The following DGKI variants were observed in gnomAD, a reference collection of about 807,000 sequenced individuals.
DGKI encodes DAG kinase iota.
DGKI carries 55 observed loss-of-function variants against 147.5 expected under a neutral mutation model. The observed-to-expected ratio is 0.37, with a 90% CI of 0.30 to 0.47. DGKI has a LOEUF of 0.47. Ranked by LOEUF, DGKI falls within the 20% of genes least tolerant of loss-of-function variation. The probability of loss-of-function intolerance (pLI) is 1.00; values close to 1 mark genes in which losing one functional copy is unlikely to be tolerated. For synonymous variants in DGKI, 469 were observed against 477.1 expected, an observed-to-expected ratio of 0.98 and a Z score of 0.22; for missense variants, 1,007 against 1,323.8, an observed-to-expected ratio of 0.76 and a Z score of 3.71.
At chr7:137,766,632 C>T (rs546980883) in intron 1 of DGKI, among the ~76,000 whole-genome samples, 63 of 152,116 alleles carry the variant, frequency 4.1e-4, no homozygotes, top group Non-Finnish European at 7.5e-4. Context: ...CTTCCTTATT[C>T]CCTCCTTCCC....
In DGKI at chr7:137,608,984, G is replaced by A. The variant is rs370471307; in HGVS notation, c.1149C>T (p.Pro383=). Residue 383 remains proline (P), a synonymous_variant, in exon 10 of 33, where the codon CCC becomes CCT. Coordinates refer to ENST00000614521, the MANE Select transcript of DGKI (RefSeq NM_001321708.2). ...LMKPLLVFVN[P]KSGGNQGTKV... ...TACTCACCTGGTTGCCTCCACTCTTGGGATTCACAAATACAAGCAAGGGTT... is the reference window on the plus strand; with the variant it reads ...TACTCACCTGGTTGCCTCCACTCTTAGGATTCACAAATACAAGCAAGGGTT... 2.2e-5 allele frequency: 36 copies of A among 1,613,020 alleles called. No homozygotes were observed. The East Asian group carries it at 2.9e-4, about 13-fold the overall frequency.
chr7:137,831,483 G>A (rs1798219178), intron 1 of DGKI, among the ~76,000 whole-genome samples: 1 of 152,110 alleles, frequency 6.6e-6, no homozygotes, highest in South Asian at 2.1e-4. Context: ...AGCTTGTGTG[G>A]AAAACTCCCC....
intron 1 of DGKI, among the ~76,000 whole-genome samples, chr7:137,700,250 A>T (rs1487428280): frequency 6.6e-6 from 1 of 152,214 alleles, no homozygotes; most frequent in East Asian, 1.9e-4. Context: ...TACTTTAGCA[A>T]AATAATTACT....
At chr7:137,508,034 T>C (rs1335257252) in intron 21 of DGKI, among the ~76,000 whole-genome samples, 9 of 152,086 alleles carry the variant, frequency 5.9e-5, no homozygotes, top group Non-Finnish European at 1.2e-4. Flanking sequence ...GGTAGGTAGG[T>C]ACAGAGTAGA....
At chr7:137,573,452 C>T (rs1471198183) in intron 17 of DGKI, among the ~76,000 whole-genome samples, 1 of 152,138 alleles carries the variant, frequency 6.6e-6, no homozygotes, top group Non-Finnish European at 1.5e-5. Flanking sequence ...TCACCCAGGC[C>T]GAAGTGCAAT....
At chr7:137,584,704 A>T (rs541898455) in intron 14 of DGKI, among the ~76,000 whole-genome samples, 2 of 151,904 alleles carry the variant, frequency 1.3e-5, no homozygotes, top group East Asian at 1.9e-4. Context: ...ATAAAAGTCA[A>T]TTTTTTTTTA....
At chr7:137,652,094 G>A (rs1239217682) in intron 5 of DGKI, among the ~76,000 whole-genome samples, 1 of 152,162 alleles carries the variant, frequency 6.6e-6, no homozygotes, top group East Asian at 1.9e-4. Context: ...CAGTAGGTAA[G>A]ACACAGTTTG....
intron 32 of DGKI, among the ~76,000 whole-genome samples, chr7:137,392,134 T>C (rs1811387996): frequency 6.6e-6 from 1 of 152,204 alleles, no homozygotes; most frequent in African/African-American, 2.4e-5. Flanking sequence ...CATAAATTTG[T>C]CATTAATTTT....
At chr7:137,415,160 C>T (rs1374785321) in intron 28 of DGKI, among the ~76,000 whole-genome samples, 2 of 152,008 alleles carry the variant, frequency 1.3e-5, no homozygotes, top group South Asian at 4.2e-4. Flanking sequence ...AAAAACCCTG[C>T]GTTGAAGGAC....
intron 1 of DGKI, among the ~76,000 whole-genome samples, chr7:137,699,858 G>A (rs1013010339): frequency 6.6e-6 from 1 of 152,124 alleles, no homozygotes; most frequent in East Asian, 1.9e-4. Context: ...TCGCTGACTA[G>A]ACAACCCCCA....
At chr7:137,831,433 A>G (rs572921787) in intron 1 of DGKI, among the ~76,000 whole-genome samples, 12 of 152,324 alleles carry the variant, frequency 7.9e-5, no homozygotes, top group South Asian at 2.1e-4. Flanking sequence ...GCAAGGAGGA[A>G]CTAGTCACAA....
At chr7:137,500,083 G>A (rs569289299) in intron 21 of DGKI, among the ~76,000 whole-genome samples, 2 of 152,138 alleles carry the variant, frequency 1.3e-5, no homozygotes, top group Admixed American at 6.5e-5. Context: ...CTAAAACAAC[G>A]AGGAAGCTTT....
chr7:137,605,313 T>TATAATATAAA (rs1820139465), intron 10 of DGKI, among the ~76,000 whole-genome samples: 2 of 121,192 alleles, frequency 1.7e-5, no homozygotes, highest in Admixed American at 1.7e-4. Flanking sequence ...GTCTCAAAAA[T>TATAATATAAA]ATAAAATAAA....
chr7:137,541,272 T>C (rs530556910), intron 20 of DGKI, among the ~76,000 whole-genome samples: 1 of 152,306 alleles, frequency 6.6e-6, no homozygotes, highest in South Asian at 2.1e-4. Context: ...TGCGTGTGTG[T>C]GTATAATCAG....
chr7:137,553,056 C>T (rs535286377), intron 19 of DGKI, among the ~76,000 whole-genome samples: 1 of 152,240 alleles, frequency 6.6e-6, no homozygotes, highest in East Asian at 1.9e-4. Context: ...GCAAATAAAC[C>T]AAATATTCAC....
chr7:137,655,290 C>T (rs1822178270), intron 4 of DGKI, among the ~76,000 whole-genome samples: 1 of 151,844 alleles, frequency 6.6e-6, no homozygotes, highest in Non-Finnish European at 1.5e-5. Flanking sequence ...CCTCCGCCTC[C>T]TGGATTCAAG....
chr7:137,727,298 C>T (rs1563169339), intron 1 of DGKI, among the ~76,000 whole-genome samples: 1 of 152,106 alleles, frequency 6.6e-6, no homozygotes, highest in Non-Finnish European at 1.5e-5. Flanking sequence ...GTAAATATTT[C>T]ATCTTATTTT....
At chr7:137,551,486 A>G (rs778637504) in intron 20 of DGKI, among the ~76,000 whole-genome samples, 3 of 152,178 alleles carry the variant, frequency 2.0e-5, no homozygotes, top group Non-Finnish European at 1.5e-5. Context: ...CGGGAGGAGC[A>G]CCTTTGAGAG....
In DGKI at chr7:137,676,820, G is replaced by A. The variant is rs572590516; in HGVS notation, c.606+1737C>T. ...TAGCAATGCTATTTACTGATACAAG[G>A]TTTAAAGAGGATATACGTATCTGTT... On this transcript the variant is annotated intron_variant, in intron 3 of 32. Coordinates refer to ENST00000614521, the MANE Select transcript of DGKI (RefSeq NM_001321708.2). Among the ~76,000 whole-genome samples the A allele has an allele frequency of 2.8e-4, 42 of 152,246 alleles. 1 individual carries two copies. In the South Asian group the frequency reaches 8.7e-3, roughly 32 times the overall value.
Sources: allele counts gnomAD v4.1 joint callset (sites outside exome capture counted in the v4.1 genomes callset), GRCh38; gene constraint gnomAD v4.1.1; transcripts MANE v1.5; gene names NCBI Gene and HGNC (gene_info 2026-07-23, HGNC 2026-07-21).